The following BLOC1S6 variants were observed in gnomAD, a reference collection of about 807,000 sequenced individuals.
BLOC1S6 encodes biogenesis of lysosomal organelles complex 1 subunit 6, also known as biogenesis of lysosome-related organelles complex 1 subunit 6.
Under a neutral mutation model 24.7 loss-of-function variants are expected in BLOC1S6, and 24 were observed. The ratio of observed to expected loss-of-function variants is 0.97; its 90% confidence interval spans 0.70 to 1.37. BLOC1S6 has a LOEUF of 1.37. BLOC1S6 is among the 40% of genes most tolerant of loss of function. The pLI, the probability that BLOC1S6 is intolerant of heterozygous loss-of-function variation, is 0.00. For missense variants in BLOC1S6, 175 were observed against 196.2 expected (o/e 0.89, Z 0.64); for synonymous variants, 76 against 72.6 (o/e 1.05, Z -0.23).
chr15:45,592,521 C>T (rs1224127801), intron 2 of BLOC1S6, among the ~76,000 whole-genome samples: 1 of 152,174 alleles, frequency 6.6e-6, no homozygotes, highest in Admixed American at 6.5e-5. Flanking sequence ...TACCTAGAAT[C>T]TGTGATTAGG....
chr15:45,601,867 G>GTTAT (rs138580678), intron 2 of BLOC1S6, among the ~76,000 whole-genome samples: 15,652 of 151,532 alleles, frequency 0.1, 908 homozygotes, highest in Middle Eastern at 0.26. Flanking sequence ...GAGGGACAAA[G>GTTAT]TTATTTATTT....
At chr15:45,595,358 C>A (rs1471629457) in intron 2 of BLOC1S6, among the ~76,000 whole-genome samples, 1 of 152,180 alleles carries the variant, frequency 6.6e-6, no homozygotes, top group Non-Finnish European at 1.5e-5. Flanking sequence ...ACACTTCTGT[C>A]ACTTGGAAAA....
intron 2 of BLOC1S6, among the ~76,000 whole-genome samples, chr15:45,596,129 G>T (rs1465016060): frequency 6.6e-6 from 1 of 151,694 alleles, no homozygotes; most frequent in Non-Finnish European, 1.5e-5. Context: ...GTGGAGGCTT[G>T]TAAGGTCTGT....
intron 1 of BLOC1S6, among the ~76,000 whole-genome samples, chr15:45,588,626 C>T (rs560806619): frequency 2.0e-5 from 3 of 152,242 alleles, no homozygotes; most frequent in Non-Finnish European, 2.9e-5. Context: ...CCGCTGCTGT[C>T]ACATCACTGT....
chr15:45,603,751 A>G (rs1894350162), intron 3 of BLOC1S6, among the ~76,000 whole-genome samples: 2 of 152,152 alleles, frequency 1.3e-5, no homozygotes, highest in African/African-American at 2.4e-5. Context: ...ACTGGAAGTA[A>G]TGAACCTTTG....
At chr15:45,590,206 T>G (rs1440077809) in intron 1 of BLOC1S6, among the ~76,000 whole-genome samples, 1 of 151,942 alleles carries the variant, frequency 6.6e-6, no homozygotes, top group African/African-American at 2.4e-5. Context: ...TATTTTTTCT[T>G]TTTTTGGTTT....
chr15:45,597,892 G>A (rs1894134302), intron 2 of BLOC1S6: 1 of 380,348 alleles, frequency 2.6e-6, no homozygotes, highest in Non-Finnish European at 5.2e-6. Flanking sequence ...TGGACTTAAA[G>A]TATGATGTTG....
At chr15:45,590,173 TTC>T (rs564536818) in intron 1 of BLOC1S6, among the ~76,000 whole-genome samples, 24 of 150,038 alleles carry the variant, frequency 1.6e-4, no homozygotes, top group Admixed American at 6.0e-4. Context: ...TGCTTCACTT[TTC>T]TCTCTCTCTC....
At chr15:45,605,381 T>G in intron 3 of BLOC1S6, 47 bp from the exon 4 acceptor site, 4 of 1,420,998 alleles carry the variant, frequency 2.8e-6, no homozygotes, top group Non-Finnish European at 3.0e-6. Flanking sequence ...CATTTTGATA[T>G]TTTAGTCTAT....
At chr15:45,589,492 A>C (rs1353307522) in intron 1 of BLOC1S6, among the ~76,000 whole-genome samples, 1 of 152,232 alleles carries the variant, frequency 6.6e-6, no homozygotes, top group Non-Finnish European at 1.5e-5. Flanking sequence ...CAGTGTCCAC[A>C]CTTCCTTTAG....
At chr15:45,590,300 T>G (rs1014883747) in intron 1 of BLOC1S6, among the ~76,000 whole-genome samples, 1 of 152,106 alleles carries the variant, frequency 6.6e-6, no homozygotes, top group African/African-American at 2.4e-5. Flanking sequence ...CTTTGAGAAG[T>G]CCAAAGTTTG....
At chr15:45,596,741 C>T (rs554194473) in intron 2 of BLOC1S6, among the ~76,000 whole-genome samples, 6 of 151,688 alleles carry the variant, frequency 4.0e-5, no homozygotes, top group Admixed American at 1.3e-4. Context: ...TGCAGTGGGG[C>T]GATCTCAGCT....
intron 3 of BLOC1S6, among the ~76,000 whole-genome samples, chr15:45,604,211 A>G (rs1047938830): frequency 1.3e-5 from 2 of 152,180 alleles, no homozygotes; most frequent in Non-Finnish European, 2.9e-5. Flanking sequence ...TCTATTAAGA[A>G]AAAAAGAAGC....
rs921400126 is a variant in BLOC1S6, at chr15:45,599,991, C to T, written c.225-3109C>T. Among the ~76,000 whole-genome samples, 469 of 150,942 alleles carry T rather than the reference C, an allele frequency of 3.1e-3. 1 individual carries two copies. Among genetic ancestry groups the T allele is most frequent in the African/African-American group, 0.011 (435 of 40,888 alleles). On this transcript the variant is annotated intron_variant, in intron 2 of 4. Transcript: ENST00000220531. ...TATGGCACATATACACCATGGAATA[C>T]TATGCAGCCATAAAAAATGATGAGT...
chr15:45,601,873 T>C (rs1792570893), intron 2 of BLOC1S6, among the ~76,000 whole-genome samples: 2 of 151,980 alleles, frequency 1.3e-5, no homozygotes, highest in African/African-American at 4.8e-5. Flanking sequence ...CAAAGTTATT[T>C]ATTTATTTAT....
chr15:45,606,043 C>G (rs978448915), intron 4 of BLOC1S6, among the ~76,000 whole-genome samples: 1 of 152,188 alleles, frequency 6.6e-6, no homozygotes, highest in African/African-American at 2.4e-5. Flanking sequence ...TGAGCTCAAG[C>G]AGCCCTCTGG....
Position 45,607,373 on chromosome 15 carries a change from G to A in BLOC1S6, c.*859G>A, listed in dbSNP as rs758841965. 5.9e-5 allele frequency: 9 copies of A among 152,128 alleles called. No homozygotes were observed. The highest frequency in any genetic ancestry group is 2.0e-4 in the Admixed American group (3 of 15,274). 9.4% of individuals were successfully genotyped at this position (152,128 alleles called of 1,614,324 possible). ...TATATATTCCTAAAGCTTGGTGGAG[G>A]TAGTGGAGCTATCACACACTCAAAT... On this transcript the variant is annotated 3_prime_UTR_variant, in exon 5 of 5. Transcript: ENST00000220531.
rs748734653 is a variant in BLOC1S6 at position 45,603,092 on chromosome 15, T to A, written c.225-8T>A. 2.5e-6 allele frequency: 4 copies of A among 1,594,640 alleles called. No homozygotes were observed. In the African/African-American group the frequency reaches 5.4e-5, roughly 21 times the overall value. On this transcript the variant is annotated splice_region_variant and splice_polypyrimidine_tract_variant and intron_variant, in intron 2 of 4. Coordinates refer to ENST00000220531, the MANE Select transcript of BLOC1S6 (RefSeq NM_012388.4). ...AGAGTTTGTCTTGGCTGTGTGTTTT[T>A]GTTTCAGACAGAACCAAGTTGTATT...
In BLOC1S6 at chr15:45,609,623, A is replaced by G. The variant is rs1339506319; in HGVS notation, c.*3109A>G. The G allele has an allele frequency of 6.6e-6, 1 of 152,198 alleles. No individual in the cohort carries two copies. The highest frequency in any genetic ancestry group is 2.4e-5 in the African/African-American group (1 of 41,442). The allele number at this position is 152,198 out of a possible 1,614,324, so 9.4% of individuals were successfully genotyped here. On this transcript the variant is annotated 3_prime_UTR_variant, in exon 5 of 5. Coordinates refer to ENST00000220531, the MANE Select transcript of BLOC1S6 (RefSeq NM_012388.4). ...GGTGATACAGTTTATAAATATAACA[A>G]TTATACACCCTCATACATTCGTCTG...
Sources: allele counts gnomAD v4.1 joint callset (sites outside exome capture counted in the v4.1 genomes callset), GRCh38; gene constraint gnomAD v4.1.1; transcripts MANE v1.5; gene names NCBI Gene and HGNC (gene_info 2026-07-23, HGNC 2026-07-21).